LIPC: variants seen among roughly 807,000 people sequenced by gnomAD.
LIPC encodes lipase C, hepatic type, also known as hepatic triacylglycerol lipase.
In LIPC, 44 loss-of-function variants were observed where a neutral mutation model predicts 50.7. The ratio of observed to expected loss-of-function variants is 0.87; its 90% CI spans 0.68 to 1.11. LIPC has a LOEUF of 1.11. Among genes scored for constraint, LIPC ranks in the 50% most tolerant of loss-of-function variants. The probability of loss-of-function intolerance (pLI) is 0.00; values close to 1 mark genes in which losing one functional copy is unlikely to be tolerated. For synonymous variants in LIPC, 271 were observed against 256.4 expected (o/e 1.06, Z -0.54); for missense variants, 697 against 648.2 (o/e 1.08, Z -0.82).
At chr15:58,453,406 G>T (rs553290930) in intron 1 of LIPC, among the ~76,000 whole-genome samples, 1 of 152,028 alleles carries the variant, frequency 6.6e-6, no homozygotes, top group Non-Finnish European at 1.5e-5. Context: ...GATTCTAATC[G>T]GTCCCCCAAC....
chr15:58,499,576 C>A (rs980854286), intron 1 of LIPC, among the ~76,000 whole-genome samples: 1 of 152,178 alleles, frequency 6.6e-6, no homozygotes, highest in Admixed American at 6.5e-5. Flanking sequence ...TATGTCCAGT[C>A]AGCCACCGAA....
intron 6 of LIPC, among the ~76,000 whole-genome samples, chr15:58,548,962 C>T (rs1001768338): frequency 3.9e-5 from 6 of 152,198 alleles, no homozygotes; most frequent in East Asian, 1.9e-4. Context: ...TCTCTGTTCA[C>T]GGCCCCCATG....
intron 8 of LIPC, among the ~76,000 whole-genome samples, chr15:58,566,676 G>C (rs573585774): frequency 3.1e-4 from 47 of 152,276 alleles, no homozygotes; most frequent in Admixed American, 1.9e-3. Context: ...GATGAGTAGG[G>C]TTGTGGAGAT....
intron 1 of LIPC, among the ~76,000 whole-genome samples, chr15:58,471,000 T>C (rs1007576480): frequency 1.3e-5 from 2 of 151,974 alleles, no homozygotes; most frequent in African/African-American, 4.8e-5. Context: ...TAAAGAAAGG[T>C]GGAGAGAATT....
chr15:58,484,509 A>G (rs1891297880), intron 1 of LIPC, among the ~76,000 whole-genome samples: 1 of 152,266 alleles, frequency 6.6e-6, no homozygotes, highest in African/African-American at 2.4e-5. Context: ...CATGCTAATA[A>G]GGGCTTTACC....
At chr15:58,551,846 A>G (rs1893772817) in intron 6 of LIPC, among the ~76,000 whole-genome samples, 2 of 152,214 alleles carry the variant, frequency 1.3e-5, no homozygotes, top group Admixed American at 6.5e-5. Flanking sequence ...AGGATGACTA[A>G]CTTGGCCTGA....
chr15:58,458,241 T>C (rs537439945), intron 1 of LIPC, among the ~76,000 whole-genome samples: 1 of 152,088 alleles, frequency 6.6e-6, no homozygotes, highest in South Asian at 2.1e-4. Context: ...TTAAATGAGG[T>C]CATCAGGAAG....
chr15:58,460,977 T>C (rs1475427626), intron 1 of LIPC, among the ~76,000 whole-genome samples: 1 of 152,180 alleles, frequency 6.6e-6, no homozygotes, highest in African/African-American at 2.4e-5. Context: ...AAGAGGGGTT[T>C]GTTTGGGGTT....
At chr15:58,563,044 T>C (rs1050608543) in intron 7 of LIPC, among the ~76,000 whole-genome samples, 2 of 152,224 alleles carry the variant, frequency 1.3e-5, no homozygotes, top group South Asian at 4.1e-4. Context: ...AGTTTTTCTA[T>C]TACTGTTATG....
chr15:58,472,313 A>T (rs1202549972), intron 1 of LIPC, among the ~76,000 whole-genome samples: 1 of 148,788 alleles, frequency 6.7e-6, no homozygotes, highest in Non-Finnish European at 1.5e-5. Context: ...GCAGGATTAC[A>T]TCTGTAACCC....
chr15:58,539,272 T>C (rs965852430), intron 2 of LIPC, among the ~76,000 whole-genome samples: 3 of 152,254 alleles, frequency 2.0e-5, no homozygotes, highest in Non-Finnish European at 4.4e-5. Flanking sequence ...CACAATTCAA[T>C]GGCTTTTGGT....
intron 1 of LIPC, among the ~76,000 whole-genome samples, chr15:58,462,765 C>T (rs1894400241): frequency 6.6e-6 from 1 of 152,178 alleles, no homozygotes; most frequent in Non-Finnish European, 1.5e-5. Context: ...AGGCAATCCT[C>T]TCCTCCCAGG....
At chr15:58,567,124 C>T (rs1471079361) in intron 8 of LIPC, among the ~76,000 whole-genome samples, 1 of 150,072 alleles carries the variant, frequency 6.7e-6, no homozygotes, top group Non-Finnish European at 1.5e-5. Flanking sequence ...ATCGCTTGAA[C>T]CCAGGAGGCA....
rs1894461449 is a variant in LIPC, at chr15:58,568,587, T to C, written c.1389-129T>C. 9 of 676,136 alleles carry C rather than the reference T, an allele frequency of 1.3e-5. No homozygotes were observed. In the South Asian group the frequency reaches 1.5e-4, roughly 11 times the overall value. The allele number at this position is 676,136 out of a possible 1,614,324, so 41.9% of individuals were successfully genotyped here. On this transcript the variant is annotated intron_variant, in intron 8 of 8. Transcript: ENST00000299022. ...GAAGTTACAAAAATATTTGCGAACATAAGAATCTAACTTAAAAAAAGACAT... is the reference window on the plus strand; with the variant it reads ...GAAGTTACAAAAATATTTGCGAACACAAGAATCTAACTTAAAAAAAGACAT...
chr15:58,477,035 GT>G (rs1891022637), intron 1 of LIPC, among the ~76,000 whole-genome samples: 1 of 152,162 alleles, frequency 6.6e-6, no homozygotes, highest in African/African-American at 2.4e-5. Context: ...CTTCATCCAT[GT>G]TTGCTAAGCC....
chr15:58,472,501 G>A (rs1890846653), intron 1 of LIPC, among the ~76,000 whole-genome samples: 1 of 151,000 alleles, frequency 6.6e-6, no homozygotes, highest in Non-Finnish European at 1.5e-5. Flanking sequence ...ACTTGATCCT[G>A]GGAGATGGAG....
At position 58,545,942 on chromosome 15, in the gene LIPC, C is replaced by T. The variant is rs890827794; in HGVS notation, c.775C>T (p.Leu259Phe). ...CCAGCCTGGCTGCCACTTCCTAGAG[C>T]TCTACAGACATATTGCCCAGCACGG... The part of the protein sequence containing the change: ...SFQPGCHFLE[L>F]YRHIAQHGFN... The change falls in exon 5 of 9, where the codon CTC (leucine) becomes TTC (phenylalanine). Residue 259 changes from leucine to phenylalanine, a missense_variant. Coordinates refer to ENST00000299022, the MANE Select transcript of LIPC (RefSeq NM_000236.3). 1 of 1,614,142 alleles carries T rather than the reference C, an allele frequency of 6.2e-7. No homozygotes were observed. Among genetic ancestry groups the T allele is most frequent in the Non-Finnish European group, 8.5e-7 (1 of 1,179,966 alleles).
intron 1 of LIPC, among the ~76,000 whole-genome samples, chr15:58,483,428 A>C (rs1891259054): frequency 6.6e-6 from 1 of 152,188 alleles, no homozygotes. Context: ...CAGTTTACAA[A>C]GTGATTCCTA....
Position 58,545,779 on chromosome 15 carries a change from C to T in LIPC, c.612C>T (p.Ala204=), listed in dbSNP as rs1372992430. The change falls in exon 5 of 9, where the codon GCC becomes GCT. Residue 204 remains alanine, a synonymous_variant. Transcript: ENST00000299022. ...CGGGACCTTTGTTTGAGGGAAGTGCCCCCAGCAATCGTCTTTCTCCAGATG... is the reference window on the plus strand; with the variant it reads ...CGGGACCTTTGTTTGAGGGAAGTGCTCCCAGCAATCGTCTTTCTCCAGATG... The part of the protein sequence containing the change: ...DAAGPLFEGS[A]PSNRLSPDDA... 1.2e-6 allele frequency: 2 copies of T among 1,614,076 alleles called. No homozygotes were observed. The highest frequency in any genetic ancestry group is 2.2e-5 in the East Asian group (1 of 44,890).
Sources: allele counts gnomAD v4.1 joint callset (sites outside exome capture counted in the v4.1 genomes callset), GRCh38; gene constraint gnomAD v4.1.1; transcripts MANE v1.5; gene names NCBI Gene and HGNC (gene_info 2026-07-23, HGNC 2026-07-21).